Variants in SLIT3 observed in about 807,000 individuals in gnomAD.
SLIT3 encodes the protein slit guidance ligand 3.
Under a neutral mutation model 184.0 loss-of-function variants are expected in SLIT3, and 68 were observed. The observed-to-expected ratio is 0.37, with a 90% confidence interval of 0.30 to 0.45. The LOEUF is 0.45. Among genes scored for constraint, SLIT3 ranks in the 20% least tolerant of loss-of-function variants. The pLI is 1.00. For missense variants in SLIT3, 1,707 were observed against 2,026.0 expected, an observed-to-expected ratio of 0.84 and a Z score of 3.02; for synonymous variants, 831 against 828.6, an observed-to-expected ratio of 1.00 and a Z score of -0.05.
intron 4 of SLIT3, among the ~76,000 whole-genome samples, chr5:168,914,551 C>T (rs1379712351): frequency 1.3e-5 from 2 of 152,234 alleles, no homozygotes; most frequent in Admixed American, 1.3e-4. Context: ...GATGAGACCA[C>T]TGGTCCTCCT....
intron 4 of SLIT3, among the ~76,000 whole-genome samples, chr5:168,966,207 G>T (rs942805436): frequency 6.6e-6 from 1 of 152,170 alleles, no homozygotes; most frequent in African/African-American, 2.4e-5. Flanking sequence ...ACACTTGTAA[G>T]TCTCCCCAGG....
intron 4 of SLIT3, among the ~76,000 whole-genome samples, chr5:169,006,605 T>TCTCACA (rs899753279): frequency 3.4e-4 from 50 of 145,880 alleles, no homozygotes; most frequent in Admixed American, 1.9e-3. Flanking sequence ...TCTCTCTCTC[T>TCTCACA]CACACACACA....
intron 4 of SLIT3, among the ~76,000 whole-genome samples, chr5:169,123,850 T>C: frequency 6.6e-6 from 1 of 152,202 alleles, no homozygotes; most frequent in East Asian, 1.9e-4. Flanking sequence ...GGCAATTTGC[T>C]TGCTGATGTT....
intron 4 of SLIT3, among the ~76,000 whole-genome samples, chr5:168,996,349 C>A (rs1050350983): frequency 6.6e-6 from 1 of 152,090 alleles, no homozygotes; most frequent in Non-Finnish European, 1.5e-5. Context: ...CATTTCACAC[C>A]AGGGTGACAT....
chr5:169,151,819 A>G (rs1455954648), intron 4 of SLIT3, among the ~76,000 whole-genome samples: 1 of 152,212 alleles, frequency 6.6e-6, no homozygotes, highest in Non-Finnish European at 1.5e-5. Flanking sequence ...GAGGCAGAAG[A>G]GCAAACTGGT....
chr5:168,713,211 A>C (rs1697800660), intron 23 of SLIT3, among the ~76,000 whole-genome samples: 1 of 152,184 alleles, frequency 6.6e-6, no homozygotes, highest in Non-Finnish European at 1.5e-5. Context: ...ACCTGAGTGC[A>C]TCTTCCCACA....
At chr5:168,999,938 C>A (rs1755645432) in intron 4 of SLIT3, among the ~76,000 whole-genome samples, 1 of 152,158 alleles carries the variant, frequency 6.6e-6, no homozygotes, top group Admixed American at 6.5e-5. Flanking sequence ...GGGAGATGAC[C>A]CAAAGACCCT....
intron 7 of SLIT3, among the ~76,000 whole-genome samples, chr5:168,821,553 G>A (rs1369799345): frequency 6.6e-6 from 1 of 152,172 alleles, no homozygotes; most frequent in East Asian, 1.9e-4. Context: ...TTCCATTACT[G>A]CACTACCCTA....
intron 4 of SLIT3, among the ~76,000 whole-genome samples, chr5:168,926,981 A>G (rs915897557): frequency 3.3e-5 from 5 of 152,228 alleles, no homozygotes; most frequent in African/African-American, 1.2e-4. Context: ...TCAAAACATT[A>G]AAAAACAGAA....
intron 4 of SLIT3, among the ~76,000 whole-genome samples, chr5:169,084,315 G>A (rs1238810758): frequency 1.4e-5 from 2 of 147,618 alleles, no homozygotes; most frequent in African/African-American, 2.5e-5. Flanking sequence ...AGACAGTTTC[G>A]CTCTTGTTGC....
intron 4 of SLIT3, among the ~76,000 whole-genome samples, chr5:169,092,308 G>T (rs191560008): frequency 7.9e-5 from 12 of 152,334 alleles, no homozygotes; most frequent in Admixed American, 6.5e-4. Context: ...TGTGGCCATT[G>T]CTAGGGACCA....
Position 169,244,715 on chromosome 5 carries a change from G to A in SLIT3, c.331C>T (p.Leu111=), listed in dbSNP as rs1251735498. Residue 111 remains leucine (L), a synonymous_variant, in exon 3 of 36, where the codon CTA becomes TTA. Coordinates refer to ENST00000519560, the MANE Select transcript of SLIT3 (RefSeq NM_003062.4). The part of the protein sequence containing the change: ...ERGAFQDLKQ[L]ERLRLNKNKL... ...CTGTACTGTACTTACAGTCGCTCTA[G>A]CTGCTTCAGGTCCTGGAAGGCGCCT... is the stretch of plus-strand genomic sequence containing the variant. The A allele has an allele frequency of 6.2e-7, 1 of 1,613,500 alleles. No individual in the cohort carries two copies. The highest frequency in any genetic ancestry group is 1.7e-5 in the Admixed American group (1 of 60,026).
rs139709702 is a variant in SLIT3 at position 168,696,955 on chromosome 5, C to A, written c.2943-524G>T. On this transcript the variant is annotated intron_variant, in intron 27 of 35. Transcript: ENST00000519560. Reference sequence around the variant, plus strand: ...GGTCCCAGACTCTGTACCCAGGTTTCCTGGGAATGAATTCCTGTTGATACA... The same window carrying A: ...GGTCCCAGACTCTGTACCCAGGTTTACTGGGAATGAATTCCTGTTGATACA... Among the ~76,000 whole-genome samples the A allele has an allele frequency of 2.0e-5, 3 of 152,122 alleles. No individual in the cohort carries two copies. The East Asian group carries it at 5.8e-4, about 29-fold the overall frequency.
chr5:169,067,107 G>C (rs1442077007), intron 4 of SLIT3, among the ~76,000 whole-genome samples: 1 of 152,054 alleles, frequency 6.6e-6, no homozygotes, highest in African/African-American at 2.4e-5. Context: ...TCTTAAAAAG[G>C]TAAAGAATGA....
At chr5:169,215,192 C>G (rs1764394771) in intron 3 of SLIT3, among the ~76,000 whole-genome samples, 1 of 152,302 alleles carries the variant, frequency 6.6e-6, no homozygotes, top group South Asian at 2.1e-4. Flanking sequence ...TGCCCCCCAG[C>G]CATGACGAAC....
At chr5:169,285,128 G>C (rs930955572) in intron 1 of SLIT3, among the ~76,000 whole-genome samples, 10 of 151,922 alleles carry the variant, frequency 6.6e-5, no homozygotes, top group African/African-American at 2.2e-4. Flanking sequence ...TGTAGCTCAG[G>C]TAGGTGTCAA....
rs1216649582 is a variant in SLIT3 at position 168,669,765 on chromosome 5, C to T, written c.4336+18G>A. On this transcript the variant is annotated intron_variant, in intron 35 of 35. Coordinates refer to ENST00000519560, the MANE Select transcript of SLIT3 (RefSeq NM_003062.4). ...TCTGACCCCCACTTCCTCCCTCCCA[C>T]AGGCACAGTAGACCCACCTTGTTGG... 1.9e-6 allele frequency: 3 copies of T among 1,609,582 alleles called. No individual in the cohort carries two copies. Among genetic ancestry groups the T allele is most frequent in the Admixed American group, 1.7e-5 (1 of 59,982 alleles).
chr5:169,186,203 C>A (rs1044108377), intron 4 of SLIT3, among the ~76,000 whole-genome samples: 1 of 152,048 alleles, frequency 6.6e-6, no homozygotes, highest in Non-Finnish European at 1.5e-5. Flanking sequence ...AAGTGGCTAT[C>A]AGGTTAAAAT....
chr5:169,059,058 C>T (rs1283023299), intron 4 of SLIT3, among the ~76,000 whole-genome samples: 2 of 152,164 alleles, frequency 1.3e-5, no homozygotes, highest in African/African-American at 4.8e-5. Flanking sequence ...GGTTTATTTT[C>T]AAGCATGAGC....
Sources: allele counts gnomAD v4.1 joint callset (sites outside exome capture counted in the v4.1 genomes callset), GRCh38; gene constraint gnomAD v4.1.1; transcripts MANE v1.5; gene names NCBI Gene and HGNC (gene_info 2026-07-23, HGNC 2026-07-21).